LDB2: variants seen among roughly 807,000 people sequenced by gnomAD.
LDB2 encodes LIM domain binding 2.
A neutral mutation model predicts 44.3 loss-of-function variants in LDB2; 12 were observed. The ratio of observed to expected loss-of-function variants is 0.27; its 90% CI spans 0.17 to 0.44. LDB2 has a LOEUF of 0.44. Among genes scored for constraint, LDB2 ranks in the 20% least tolerant of loss-of-function variants. The pLI is 1.00. For synonymous variants in LDB2, 164 were observed against 174.8 expected, an observed-to-expected ratio of 0.94 and a Z score of 0.49; for missense variants, 344 against 473.5, an observed-to-expected ratio of 0.73 and a Z score of 2.54.
intron 5 of LDB2, among the ~76,000 whole-genome samples, chr4:16,566,043 G>A (rs1744403161): frequency 6.6e-6 from 1 of 151,844 alleles, no homozygotes; most frequent in Admixed American, 6.6e-5. Context: ...TCAAAAAGGA[G>A]TTCATTGGAG....
chr4:16,865,209 G>A (rs1023152616), intron 1 of LDB2, among the ~76,000 whole-genome samples: 6 of 152,080 alleles, frequency 3.9e-5, no homozygotes, highest in Admixed American at 1.3e-4. Context: ...CAGAGACAGC[G>A]CCACTGCACT....
chr4:16,863,057 G>A (rs1713272248), intron 1 of LDB2, among the ~76,000 whole-genome samples: 1 of 152,120 alleles, frequency 6.6e-6, no homozygotes. Flanking sequence ...GCCAGCCAAG[G>A]TCAGAGGAAA....
At chr4:16,725,163 A>T (rs2658509) in intron 2 of LDB2, among the ~76,000 whole-genome samples, 1 of 151,862 alleles carries the variant, frequency 6.6e-6, no homozygotes, top group African/African-American at 2.4e-5. Context: ...CTGACATGAA[A>T]CTGAGTTATT....
At chr4:16,613,110 C>T (rs934863332) in intron 2 of LDB2, among the ~76,000 whole-genome samples, 4 of 152,102 alleles carry the variant, frequency 2.6e-5, no homozygotes, top group African/African-American at 9.7e-5. Context: ...AAGACAAAAA[C>T]CACATGATTA....
chr4:16,733,108 G>C (rs113304195), intron 2 of LDB2, among the ~76,000 whole-genome samples: 132 of 152,246 alleles, frequency 8.7e-4, no homozygotes, highest in African/African-American at 3.1e-3. Flanking sequence ...GCACTCAGGC[G>C]CCTTCTTACT....
At chr4:16,850,068 A>C (rs190632985) in intron 1 of LDB2, among the ~76,000 whole-genome samples, 1 of 152,136 alleles carries the variant, frequency 6.6e-6, no homozygotes, top group Non-Finnish European at 1.5e-5. Flanking sequence ...TGCTATAAAC[A>C]TCTTTGGAGG....
chr4:16,689,134 G>A (rs1749971468), intron 2 of LDB2, among the ~76,000 whole-genome samples: 1 of 152,184 alleles, frequency 6.6e-6, no homozygotes, highest in African/African-American at 2.4e-5. Context: ...TCAGTGGTAG[G>A]TGGAACCTTT....
chr4:16,594,679 T>C (rs1473632065), intron 3 of LDB2, among the ~76,000 whole-genome samples: 1 of 152,216 alleles, frequency 6.6e-6, no homozygotes, highest in African/African-American at 2.4e-5. Flanking sequence ...ATTTTTATTC[T>C]TGCAGCAAAA....
chr4:16,618,067 A>T (rs1337624806), intron 2 of LDB2, among the ~76,000 whole-genome samples: 1 of 152,166 alleles, frequency 6.6e-6, no homozygotes, highest in African/African-American at 2.4e-5. Flanking sequence ...TCCACAGGCC[A>T]ATTCTGTTAG....
At chr4:16,586,110 G>A in intron 4 of LDB2, 105 bp from the exon 5 acceptor site, 1 of 838,066 alleles carries the variant, frequency 1.2e-6, no homozygotes. Flanking sequence ...CGACATTGTT[G>A]ATTTTATTTG....
chr4:16,716,112 A>G (rs1310765037), intron 2 of LDB2, among the ~76,000 whole-genome samples: 1 of 152,234 alleles, frequency 6.6e-6, no homozygotes, highest in African/African-American at 2.4e-5. Flanking sequence ...TGAGAGTAAC[A>G]ATCATAAAGA....
intron 1 of LDB2, among the ~76,000 whole-genome samples, chr4:16,833,709 A>C (rs1407429324): frequency 2.0e-5 from 3 of 151,968 alleles, no homozygotes; most frequent in East Asian, 1.9e-4. Context: ...CGCCCAGCTA[A>C]TTTTTGTATT....
At chr4:16,795,163 T>C (rs1194104665) in intron 1 of LDB2, among the ~76,000 whole-genome samples, 1 of 152,086 alleles carries the variant, frequency 6.6e-6, no homozygotes, top group Non-Finnish European at 1.5e-5. Flanking sequence ...AGAGTAGGAA[T>C]TGGTCAGATG....
intron 2 of LDB2, among the ~76,000 whole-genome samples, chr4:16,684,212 C>G (rs532607699): frequency 1.3e-5 from 2 of 152,180 alleles, no homozygotes; most frequent in East Asian, 3.9e-4. Flanking sequence ...CTAATTTCTG[C>G]TCTATCTGTT....
At chr4:16,876,884 C>T (rs969867460) in intron 1 of LDB2, among the ~76,000 whole-genome samples, 1 of 151,554 alleles carries the variant, frequency 6.6e-6, no homozygotes, top group African/African-American at 2.4e-5. Flanking sequence ...TGAAAATTTC[C>T]CAATGTGGAA....
At chr4:16,783,537 C>A (rs1236889830) in intron 1 of LDB2, among the ~76,000 whole-genome samples, 1 of 152,206 alleles carries the variant, frequency 6.6e-6, no homozygotes, top group African/African-American at 2.4e-5. Flanking sequence ...TGCATTCTAG[C>A]AAAAAGACAA....
chr4:16,559,133 A>G (rs1305371592), intron 5 of LDB2, among the ~76,000 whole-genome samples: 1 of 152,194 alleles, frequency 6.6e-6, no homozygotes, highest in East Asian at 1.9e-4. Flanking sequence ...AAGACCATCA[A>G]GGCTAGGAAG....
intron 2 of LDB2, among the ~76,000 whole-genome samples, chr4:16,652,742 T>A (rs1243289279): frequency 6.6e-6 from 1 of 152,198 alleles, no homozygotes; most frequent in Non-Finnish European, 1.5e-5. Flanking sequence ...CCTCAGTGAC[T>A]TCCACTTTTT....
chr4:16,746,309 C>T (rs1258253586), intron 2 of LDB2, among the ~76,000 whole-genome samples: 2 of 152,190 alleles, frequency 1.3e-5, no homozygotes, highest in South Asian at 2.1e-4. Context: ...GAACCAACTA[C>T]GTGTCTGACT....
Sources: allele counts gnomAD v4.1 joint callset (sites outside exome capture counted in the v4.1 genomes callset), GRCh38; gene constraint gnomAD v4.1.1; transcripts MANE v1.5; gene names NCBI Gene and HGNC (gene_info 2026-07-23, HGNC 2026-07-21).